The following UVRAG variants were observed in gnomAD, a reference collection of about 807,000 sequenced individuals.
The protein encoded by UVRAG is UV radiation resistance associated.
A neutral mutation model predicts 78.0 loss-of-function variants in UVRAG; 19 were observed. The ratio of observed to expected loss-of-function variants is 0.24; its 90% CI spans 0.17 to 0.36. The LOEUF is 0.36. Ranked by LOEUF, UVRAG falls within the 10% of genes least tolerant of loss-of-function variation. UVRAG has a pLI of 1.00. For missense variants in UVRAG, 740 were observed against 853.8 expected (o/e 0.87, Z 1.66); for synonymous variants, 323 against 324.6 (o/e 1.00, Z 0.05).
At chr11:76,132,396 C>G (rs752376942) in intron 14 of UVRAG, among the ~76,000 whole-genome samples, 7 of 151,992 alleles carry the variant, frequency 4.6e-5, no homozygotes, top group Non-Finnish European at 8.8e-5. Flanking sequence ...TTTTGACCAG[C>G]TGTGATCTAG....
chr11:76,044,739 A>G lies in UVRAG; in HGVS notation c.1227-20971A>G, dbSNP rs1468220547. On this transcript the variant is annotated intron_variant, in intron 12 of 14. Transcript: ENST00000356136. ...TAGTGAGCCGAGATTGTGCTACTGC[A>G]CTCCAGCCTAGGCTACGGAGCGAGA... is the stretch of plus-strand genomic sequence containing the variant. Among the ~76,000 whole-genome samples the G allele has an allele frequency of 4.6e-5, 7 of 152,104 alleles. No individual in the cohort carries two copies. In the East Asian group the frequency reaches 1.3e-3, roughly 29 times the overall value.
At position 76,000,644 on chromosome 11, in the gene UVRAG, T is replaced by A. The variant is rs574313045; in HGVS notation, c.827-3361T>A. ...AAAAAAAAGGAAAAAAAGAAAAAAG[T>A]TAGATAGATTAAAAGTTAAAGAATG... On this transcript the variant is annotated intron_variant, in intron 8 of 14. Coordinates refer to ENST00000356136, the MANE Select transcript of UVRAG (RefSeq NM_003369.4). 7.3e-5 allele frequency among the ~76,000 whole-genome samples: 11 copies of A among 151,352 alleles called. No individual in the cohort carries two copies. The South Asian group carries it at 2.3e-3, about 32-fold the overall frequency.
At chr11:75,912,869 T>C (rs1947769129) in intron 6 of UVRAG, among the ~76,000 whole-genome samples, 1 of 152,250 alleles carries the variant, frequency 6.6e-6, no homozygotes, top group South Asian at 2.1e-4. Context: ...TTGAATCTTA[T>C]TACACATGAT....
Position 76,140,865 on chromosome 11 carries a change from A to G in UVRAG, c.1552A>G (p.Thr518Ala). 6.2e-7 allele frequency: 1 copy of G among 1,613,186 alleles called. No homozygotes were observed. Among genetic ancestry groups the G allele is most frequent in the Non-Finnish European group, 8.5e-7 (1 of 1,179,830 alleles). Residue 518 changes from threonine (T) to alanine (A), a missense_variant, in exon 15 of 15, where the codon ACC becomes GCC. Transcript: ENST00000356136. ...TGAGAATGAGAGACTTCAGTACAAA[A>G]CCCCTCCTCCCAGTTACAACTCAGC... Reference protein sequence around the residue: ...SSENERLQYKTPPPSYNSALA... With the variant: ...SSENERLQYKAPPPSYNSALA...
chr11:75,909,246 C>T (rs936486378), intron 5 of UVRAG, among the ~76,000 whole-genome samples: 3 of 152,054 alleles, frequency 2.0e-5, no homozygotes, highest in Non-Finnish European at 4.4e-5. Context: ...AATTGGGAGG[C>T]TGAGGTGGGA....
chr11:75,877,471 C>G (rs1322184200), intron 3 of UVRAG, among the ~76,000 whole-genome samples: 1 of 149,184 alleles, frequency 6.7e-6, no homozygotes, highest in African/African-American at 2.5e-5. Context: ...GTGACCCCCC[C>G]ACCTCCCTCC....
At chr11:75,998,943 A>C (rs1345183527) in intron 8 of UVRAG, among the ~76,000 whole-genome samples, 1 of 152,148 alleles carries the variant, frequency 6.6e-6, no homozygotes, top group Non-Finnish European at 1.5e-5. Context: ...AGCAGTTTGA[A>C]TATGATGGTC....
intron 7 of UVRAG, among the ~76,000 whole-genome samples, chr11:75,961,775 TA>T (rs1386226839): frequency 6.6e-6 from 1 of 152,146 alleles, no homozygotes; most frequent in Admixed American, 6.5e-5. Flanking sequence ...TTATATTACA[TA>T]AAATTACTTA....
At chr11:76,098,929 A>G (rs1951831729) in intron 13 of UVRAG, among the ~76,000 whole-genome samples, 1 of 152,190 alleles carries the variant, frequency 6.6e-6, no homozygotes, top group African/African-American at 2.4e-5. Context: ...TTCCTCAGCC[A>G]GTCCACTACT....
At chr11:76,139,074 ACC>A (rs748844887) in intron 14 of UVRAG, among the ~76,000 whole-genome samples, 14 of 152,280 alleles carry the variant, frequency 9.2e-5, no homozygotes, top group Admixed American at 3.3e-4. Flanking sequence ...TTCTATATGT[ACC>A]CCAGTGACCA....
intron 12 of UVRAG, among the ~76,000 whole-genome samples, chr11:76,048,629 T>C (rs1950807438): frequency 6.6e-6 from 1 of 152,218 alleles, no homozygotes; most frequent in East Asian, 1.9e-4. Context: ...AGATGATGAA[T>C]TGAGGTGATT....
intron 12 of UVRAG, among the ~76,000 whole-genome samples, chr11:76,055,685 G>A (rs1259118845): frequency 6.6e-6 from 1 of 151,968 alleles, no homozygotes; most frequent in African/African-American, 2.4e-5. Flanking sequence ...TTTCTTTTGA[G>A]GTAAAATTTA....
intron 12 of UVRAG, among the ~76,000 whole-genome samples, chr11:76,050,095 T>C (rs902783807): frequency 6.6e-6 from 1 of 152,240 alleles, no homozygotes; most frequent in Non-Finnish European, 1.5e-5. Context: ...TGTCATCTTA[T>C]CAGTACTCAC....
intron 13 of UVRAG, among the ~76,000 whole-genome samples, chr11:76,074,496 G>A (rs1456723609): frequency 6.6e-6 from 1 of 152,106 alleles, no homozygotes; most frequent in Non-Finnish European, 1.5e-5. Context: ...TACTTTGAGG[G>A]TATATTGTAC....
chr11:76,109,965 G>A (rs984747078), intron 13 of UVRAG, among the ~76,000 whole-genome samples: 1 of 152,112 alleles, frequency 6.6e-6, no homozygotes, highest in African/African-American at 2.4e-5. Flanking sequence ...ATACTGACAT[G>A]TGTGTGTTTA....
At chr11:75,872,253 A>G (rs1002725209) in intron 3 of UVRAG, among the ~76,000 whole-genome samples, 27 of 152,118 alleles carry the variant, frequency 1.8e-4, no homozygotes, top group African/African-American at 6.3e-4. Context: ...CAACAAGTCA[A>G]GGTTATCATG....
chr11:75,976,567 G>A (rs536738429), intron 7 of UVRAG, among the ~76,000 whole-genome samples: 5 of 152,276 alleles, frequency 3.3e-5, no homozygotes, highest in African/African-American at 1.2e-4. Context: ...TCTATTCAGC[G>A]ATTCAGCTTC....
At chr11:75,889,491 G>A (rs904414081) in intron 5 of UVRAG, among the ~76,000 whole-genome samples, 3 of 152,138 alleles carry the variant, frequency 2.0e-5, no homozygotes, top group Non-Finnish European at 4.4e-5. Context: ...GATGAGCTTC[G>A]TAGGTTCACC....
chr11:75,929,664 T>G (rs943663806), intron 6 of UVRAG, among the ~76,000 whole-genome samples: 1 of 152,236 alleles, frequency 6.6e-6, no homozygotes, highest in Non-Finnish European at 1.5e-5. Context: ...ATTCTGTGTT[T>G]AATTATTCTG....
Sources: allele counts gnomAD v4.1 joint callset (sites outside exome capture counted in the v4.1 genomes callset), GRCh38; gene constraint gnomAD v4.1.1; transcripts MANE v1.5; gene names NCBI Gene and HGNC (gene_info 2026-07-23, HGNC 2026-07-21).